The following UMAD1 variants were observed in gnomAD, a reference collection of about 807,000 sequenced individuals.
UMAD1 encodes the protein UBAP1-MVB12-associated (UMA)-domain containing protein 1.
Under a neutral mutation model 6.1 loss-of-function variants are expected in UMAD1, and 8 were observed. The ratio of observed to expected loss-of-function variants is 1.30; its 90% CI spans 0.76 to 2.35. The LOEUF is 2.35. Ranked by LOEUF, UMAD1 falls within the 30% of genes most tolerant of loss-of-function variation. The pLI is 0.00. For missense variants in UMAD1, 130 were observed against 78.4 expected (o/e 1.66, Z -2.49); for synonymous variants, 56 against 31.4 (o/e 1.78, Z -2.61).
intron 2 of UMAD1, among the ~76,000 whole-genome samples, chr7:7,696,890 T>G (rs1042349532): frequency 1.3e-5 from 2 of 152,112 alleles, no homozygotes; most frequent in African/African-American, 4.8e-5. Flanking sequence ...TGAAATCTGT[T>G]AAGAATAACA....
At chr7:7,795,698 T>A (rs1449229086) in intron 2 of UMAD1, among the ~76,000 whole-genome samples, 1 of 152,200 alleles carries the variant, frequency 6.6e-6, no homozygotes, top group East Asian at 1.9e-4. Context: ...TCTCTTCCTT[T>A]TAGACCTTAT....
chr7:7,868,664 C>G (rs1784280870), intron 3 of UMAD1: 1 of 152,042 alleles, frequency 6.6e-6, no homozygotes, highest in Non-Finnish European at 1.5e-5. Flanking sequence ...AATCTGCCTT[C>G]TAACCTAGCC....
intron 3 of UMAD1, among the ~76,000 whole-genome samples, chr7:7,809,757 C>T (rs1782987374): frequency 6.6e-6 from 1 of 152,012 alleles, no homozygotes; most frequent in South Asian, 2.1e-4. Context: ...ATGAGATGCA[C>T]ATTTTAATAA....
intron 2 of UMAD1, among the ~76,000 whole-genome samples, chr7:7,754,498 T>G (rs1417908232): frequency 6.6e-6 from 1 of 152,212 alleles, no homozygotes; most frequent in Non-Finnish European, 1.5e-5. Flanking sequence ...TTATATATAC[T>G]GGTTATTAAT....
chr7:7,680,881 A>T (rs1350481764), intron 2 of UMAD1, among the ~76,000 whole-genome samples: 1 of 151,918 alleles, frequency 6.6e-6, no homozygotes, highest in Non-Finnish European at 1.5e-5. Flanking sequence ...TGATTTTTGT[A>T]TGTTGATTTT....
intron 2 of UMAD1, among the ~76,000 whole-genome samples, chr7:7,731,869 TGGCTTTGA>T (rs1781266192): frequency 6.6e-6 from 1 of 152,154 alleles, no homozygotes; most frequent in African/African-American, 2.4e-5. Flanking sequence ...GGACACAGAC[TGGCTTTGA>T]AGTTTATTTC....
intron 2 of UMAD1, among the ~76,000 whole-genome samples, chr7:7,778,277 AGAGAG>A (rs1563198528): frequency 1.8e-5 from 2 of 108,424 alleles, no homozygotes; most frequent in Non-Finnish European, 4.2e-5. Flanking sequence ...TGTGTGTGTG[AGAGAG>A]AGAGAGAGAG....
intron 2 of UMAD1, among the ~76,000 whole-genome samples, chr7:7,760,542 C>CA (rs1174065408): frequency 5.9e-5 from 9 of 151,936 alleles, no homozygotes; most frequent in African/African-American, 2.2e-4. Flanking sequence ...TCTTTAGATG[C>CA]TTGCTGAAGA....
chr7:7,655,237 A>G (rs772939225), intron 1 of UMAD1, among the ~76,000 whole-genome samples: 1 of 152,138 alleles, frequency 6.6e-6, no homozygotes, highest in Non-Finnish European at 1.5e-5. Context: ...GGAATAAACT[A>G]GACTGCCCCT....
intron 3 of UMAD1, among the ~76,000 whole-genome samples, chr7:7,842,366 AT>A (rs1314409061): frequency 1.3e-5 from 2 of 152,118 alleles, no homozygotes; most frequent in Non-Finnish European, 2.9e-5. Context: ...TGTATTTCTA[AT>A]CCAAAACGTG....
At chr7:7,786,095 C>G (rs1010629785) in intron 2 of UMAD1, among the ~76,000 whole-genome samples, 2 of 152,046 alleles carry the variant, frequency 1.3e-5, no homozygotes, top group African/African-American at 2.4e-5. Flanking sequence ...TTTCCAATAC[C>G]TGAGTGTGCA....
chr7:7,731,842 C>G (rs145586756), intron 2 of UMAD1, among the ~76,000 whole-genome samples: 4 of 152,212 alleles, frequency 2.6e-5, no homozygotes, highest in Middle Eastern at 3.4e-3. Flanking sequence ...AGTGTAGTAG[C>G]TAAGGGCTTG....
At chr7:7,751,788 A>G (rs541924743) in intron 2 of UMAD1, among the ~76,000 whole-genome samples, 6 of 152,298 alleles carry the variant, frequency 3.9e-5, no homozygotes, top group Non-Finnish European at 7.3e-5. Context: ...GAGGACCTCT[A>G]GCAATGTGTT....
Position 7,830,851 on chromosome 7 carries a change from A to G in UMAD1, c.156+29108A>G, listed in dbSNP as rs1487214216. On this transcript the variant is annotated intron_variant, in intron 3 of 3. Coordinates refer to ENST00000682710, the MANE Select transcript of UMAD1 (RefSeq NM_001302348.2). This position sits in a 1 kb window ranked among gnomAD's most constrained non-coding sequence, Gnocchi z 5.3. ...AATTGAAGCCTGTTTATATCTTCCC[A>G]TCTTTTTAAGTATCTGCATAGAAAA... 6.6e-6 allele frequency among the ~76,000 whole-genome samples: 1 copy of G among 152,134 alleles called. No homozygotes were observed.
intron 2 of UMAD1, among the ~76,000 whole-genome samples, chr7:7,772,622 G>C (rs1217731816): frequency 2.0e-5 from 3 of 152,166 alleles, no homozygotes; most frequent in African/African-American, 7.2e-5. Flanking sequence ...AAGTAGTGTG[G>C]TTTGTTTTTA....
intron 1 of UMAD1, among the ~76,000 whole-genome samples, chr7:7,661,068 T>C (rs1038332610): frequency 2.6e-5 from 4 of 152,166 alleles, no homozygotes; most frequent in Non-Finnish European, 5.9e-5. Context: ...TAAGTTGATC[T>C]TTAATCTCTG....
intron 2 of UMAD1, among the ~76,000 whole-genome samples, chr7:7,729,565 C>T (rs78446020): frequency 0.08 from 12,163 of 152,172 alleles, 571 homozygotes; most frequent in South Asian, 0.12. Context: ...TCTGAGCTTG[C>T]ATTTGCCCAT....
intron 3 of UMAD1, among the ~76,000 whole-genome samples, chr7:7,862,620 G>T (rs1269646197): frequency 6.6e-6 from 1 of 152,202 alleles, no homozygotes; most frequent in African/African-American, 2.4e-5. Context: ...AGCCTTGGTT[G>T]TGGTTAGATG....
chr7:7,697,982 A>G (rs927696565), intron 2 of UMAD1, among the ~76,000 whole-genome samples: 25 of 152,168 alleles, frequency 1.6e-4, no homozygotes, highest in African/African-American at 5.8e-4. Context: ...TGGATTCCTT[A>G]GCAAGCTGAC....
Sources: allele counts gnomAD v4.1 joint callset (sites outside exome capture counted in the v4.1 genomes callset), GRCh38; gene constraint gnomAD v4.1.1; non-coding constraint Gnocchi (gnomAD v3.1); transcripts MANE v1.5; gene names NCBI Gene and HGNC (gene_info 2026-07-23, HGNC 2026-07-21).